The following COL27A1 variants were observed in gnomAD, a reference collection of about 807,000 sequenced individuals.
COL27A1 encodes the protein collagen type XXVII alpha 1 chain, also known as collagen alpha-1(XXVII) chain.
In COL27A1, 106 loss-of-function variants were observed where a neutral mutation model predicts 251.3. The ratio of observed to expected loss-of-function variants is 0.42; its 90% confidence interval spans 0.36 to 0.50. The LOEUF is 0.50. COL27A1 is among the 20% of genes least tolerant of loss of function. The probability of loss-of-function intolerance (pLI) is 0.00; values close to 1 mark genes in which losing one functional copy is unlikely to be tolerated. For missense variants in COL27A1, 2,325 were observed against 2,522.8 expected (o/e 0.92, Z 1.68); for synonymous variants, 1,000 against 986.3 (o/e 1.01, Z -0.26).
rs200107808 is a variant in COL27A1 at position 114,284,814 on chromosome 9, G to A, written c.3987+37G>A. On this transcript the variant is annotated intron_variant, in intron 41 of 60. Coordinates refer to ENST00000356083, the MANE Select transcript of COL27A1 (RefSeq NM_032888.4). ...CTCTGGGGAAAGCAGCTGCACCCTCGTGTCTGAGGCTGAGGTCAGCTTCAG... is the reference window on the plus strand; with the variant it reads ...CTCTGGGGAAAGCAGCTGCACCCTCATGTCTGAGGCTGAGGTCAGCTTCAG... The A allele has an allele frequency of 3.2e-5, 52 of 1,611,352 alleles. No individual in the cohort carries two copies. In the East Asian group the frequency reaches 5.4e-4, roughly 17 times the overall value.
At chr9:114,173,564 C>T (rs1434295740) in intron 3 of COL27A1, among the ~76,000 whole-genome samples, 3 of 152,106 alleles carry the variant, frequency 2.0e-5, no homozygotes, top group African/African-American at 7.3e-5. Context: ...GTTAACTGAA[C>T]GTCCTGTAGA....
chr9:114,171,375 C>G (rs1849309753), intron 3 of COL27A1, among the ~76,000 whole-genome samples: 1 of 152,172 alleles, frequency 6.6e-6, no homozygotes, highest in Non-Finnish European at 1.5e-5. Flanking sequence ...CTCTGAGGCT[C>G]TGGGACTCAG....
Position 114,242,242 on chromosome 9 carries a change from CTGGCCTGGGGTAGG to C in COL27A1, c.2880+16_2880+29del. Reference sequence around the variant, plus strand: ...GCCCCTGGCTTGGAGGTGAGTGTCACTGGCCTGGGGTAGGTGGCATTCATGGGAGCTGAGCCAGC... The same window carrying C: ...GCCCCTGGCTTGGAGGTGAGTGTCACTGGCATTCATGGGAGCTGAGCCAGC... On this transcript the variant is annotated intron_variant, in intron 22 of 60. Transcript: ENST00000356083. 6.2e-7 allele frequency: 1 copy of C among 1,609,530 alleles called. No individual in the cohort carries two copies. Among genetic ancestry groups the C allele is most frequent in the Non-Finnish European group, 8.5e-7 (1 of 1,178,210 alleles).
At chr9:114,207,097 G>C (rs1830020423) in intron 10 of COL27A1, among the ~76,000 whole-genome samples, 1 of 152,248 alleles carries the variant, frequency 6.6e-6, no homozygotes, top group African/African-American at 2.4e-5. Context: ...GGGGACCCAA[G>C]TCTTCCGAGG....
intron 49 of COL27A1, 141 bp downstream of exon 49, chr9:114,292,351 A>G: frequency 4.3e-6 from 3 of 703,764 alleles, no homozygotes; most frequent in Non-Finnish European, 7.0e-6. Flanking sequence ...CTCTGTGACA[A>G]GGTATAAAAT....
rs769437939 is a variant in COL27A1, at chr9:114,250,683, G to A, written c.3033+15G>A. On this transcript the variant is annotated intron_variant, in intron 25 of 60. Transcript: ENST00000356083. Reference sequence around the variant, plus strand: ...TGGGAGAAAAGGTAAGTGGTGTTGAGGGGAAAAGATAAACAATTAGAGCTT... The same window carrying A: ...TGGGAGAAAAGGTAAGTGGTGTTGAAGGGAAAAGATAAACAATTAGAGCTT... 6 of 1,609,424 alleles carry A rather than the reference G, an allele frequency of 3.7e-6. No homozygotes were observed. In the South Asian group the frequency reaches 6.6e-5, roughly 18 times the overall value.
At chr9:114,295,407 T>C (rs1422071857) in intron 49 of COL27A1, among the ~76,000 whole-genome samples, 1 of 152,358 alleles carries the variant, frequency 6.6e-6, no homozygotes, top group East Asian at 1.9e-4. Flanking sequence ...GTAAAGCTTA[T>C]CGGGTTTTCA....
In COL27A1 at chr9:114,258,524, C is replaced by T. The variant is rs368201120; in HGVS notation, c.3142-17C>T. On this transcript the variant is annotated splice_polypyrimidine_tract_variant and intron_variant, in intron 27 of 60. Transcript: ENST00000356083. ...TCCTAAAAAGGGGCCTCTCCAAACT[C>T]TTTCTCCTCTTCCCAGGGTCCTCCA... 2.5e-6 allele frequency: 4 copies of T among 1,611,980 alleles called. No individual in the cohort carries two copies. Among genetic ancestry groups the T allele is most frequent in the Non-Finnish European group, 3.4e-6 (4 of 1,179,272 alleles).
chr9:114,287,169 C>T lies in COL27A1; in HGVS notation c.3988-1286C>T, dbSNP rs1406502731. ...CCTCCACCCACCAGAACCACAGAGGCCCAGGCTGGTGGCTGATCACCACCA... is the reference window on the plus strand; with the variant it reads ...CCTCCACCCACCAGAACCACAGAGGTCCAGGCTGGTGGCTGATCACCACCA... On this transcript the variant is annotated intron_variant, in intron 41 of 60. Transcript: ENST00000356083. 3.3e-5 allele frequency among the ~76,000 whole-genome samples: 5 copies of T among 152,178 alleles called. No homozygotes were observed. The East Asian group carries it at 9.7e-4, about 29-fold the overall frequency.
intron 3 of COL27A1, among the ~76,000 whole-genome samples, chr9:114,174,663 A>G (rs1849557970): frequency 6.6e-6 from 1 of 152,216 alleles, no homozygotes; most frequent in South Asian, 2.1e-4. Flanking sequence ...TGCATATGCC[A>G]TCTCAGAATA....
chr9:114,277,746 C>T (rs1835600180), intron 37 of COL27A1, among the ~76,000 whole-genome samples: 1 of 152,178 alleles, frequency 6.6e-6, no homozygotes, highest in Non-Finnish European at 1.5e-5. Flanking sequence ...CAGGATTCTG[C>T]ATTAGGAACT....
At chr9:114,187,838 A>G (rs1191636459) in intron 5 of COL27A1, among the ~76,000 whole-genome samples, 2 of 152,270 alleles carry the variant, frequency 1.3e-5, no homozygotes, top group Admixed American at 1.3e-4. Flanking sequence ...AAATTAATAT[A>G]CAAATATTAT....
intron 13 of COL27A1, among the ~76,000 whole-genome samples, chr9:114,221,684 T>C (rs896066327): frequency 1.1e-4 from 16 of 152,178 alleles, no homozygotes; most frequent in Non-Finnish European, 2.4e-4. Context: ...CTAGAACTCT[T>C]TCCAGTCTCT....
At chr9:114,222,098 G>A (rs936767149) in intron 13 of COL27A1, 125 bp from the exon 14 acceptor site, 2 of 761,306 alleles carry the variant, frequency 2.6e-6, no homozygotes, top group African/African-American at 3.4e-5. Context: ...GGAGCCTGTG[G>A]TCAGGAATAA....
chr9:114,242,981 G>C (rs567828430), intron 22 of COL27A1, among the ~76,000 whole-genome samples: 5 of 152,056 alleles, frequency 3.3e-5, no homozygotes, highest in African/African-American at 1.2e-4. Flanking sequence ...TCTCAACTCC[G>C]CTTCTGCATT....
intron 36 of COL27A1, chr9:114,274,187 C>G (rs955730783): frequency 4.0e-5 from 6 of 148,770 alleles, no homozygotes; most frequent in African/African-American, 1.5e-4. Context: ...GAGTTGAGAT[C>G]ATGCCACTGC....
chr9:114,234,022 T>C (rs1832162678), intron 16 of COL27A1, among the ~76,000 whole-genome samples: 1 of 152,104 alleles, frequency 6.6e-6, no homozygotes, highest in South Asian at 2.1e-4. Context: ...TGACCCAGCC[T>C]GGACTCAGTC....
chr9:114,171,819 C>T (rs1477841489), intron 3 of COL27A1, among the ~76,000 whole-genome samples: 13 of 152,124 alleles, frequency 8.5e-5, no homozygotes, highest in Non-Finnish European at 8.8e-5. Flanking sequence ...CTTCCACAGG[C>T]GCGGTGTCTC....
chr9:114,309,445 G>T lies in COL27A1; in HGVS notation c.5403G>T (p.Gln1801His). 6.2e-7 allele frequency: 1 copy of T among 1,613,920 alleles called. No homozygotes were observed. The highest frequency in any genetic ancestry group is 8.5e-7 in the Non-Finnish European group (1 of 1,179,954). ...GACAGATTTTTGAAGCTGGGGGTCA[G>T]TTCCGGCCCGAGGTGTCCATGGATG... is the stretch of plus-strand genomic sequence containing the variant. ...WNGQIFEAGG[Q>H]FRPEVSMDGC... is the part of the protein sequence containing the mutation. The change falls in exon 60 of 61, where the codon CAG becomes CAT. Residue 1801 changes from glutamine to histidine, a missense_variant. Gln to His is a conservative substitution (Grantham distance 24, BLOSUM62 0). This residue lies in a region of COL27A1 where 327 missense variants were observed against 442.8 expected (regional missense o/e 0.74). Coordinates refer to ENST00000356083, the MANE Select transcript of COL27A1 (RefSeq NM_032888.4).
Sources: allele counts gnomAD v4.1 joint callset (sites outside exome capture counted in the v4.1 genomes callset), GRCh38; gene constraint gnomAD v4.1.1; regional missense constraint gnomAD v4.1.1; transcripts MANE v1.5; gene names NCBI Gene and HGNC (gene_info 2026-07-23, HGNC 2026-07-21).